The following BFAR variants were observed in gnomAD, a reference collection of about 807,000 sequenced individuals.
BFAR encodes bifunctional apoptosis regulator.
In BFAR, 52 loss-of-function variants were observed where a neutral mutation model predicts 54.4. That is an observed-to-expected ratio of 0.96 (90% CI 0.77 to 1.21). BFAR has a LOEUF of 1.21. Among genes scored for constraint, BFAR ranks in the 50% most tolerant of loss-of-function variants. BFAR has a pLI of 0.00. For synonymous variants in BFAR, 215 were observed against 204.3 expected, an observed-to-expected ratio of 1.05 and a Z score of -0.45; for missense variants, 571 against 534.0, an observed-to-expected ratio of 1.07 and a Z score of -0.68.
chr16:14,664,524 C>T (rs115011705), intron 6 of BFAR, among the ~76,000 whole-genome samples: 1 of 151,486 alleles, frequency 6.6e-6, no homozygotes, highest in Non-Finnish European at 1.5e-5. Flanking sequence ...TTTTGAGACA[C>T]AGTCTCCCTC....
intron 4 of BFAR, 86 bp downstream of exon 4, chr16:14,650,059 A>C: frequency 1.4e-5 from 19 of 1,377,518 alleles, no homozygotes; most frequent in Non-Finnish European, 1.7e-5. Context: ...GCGGTGGCTC[A>C]CACCTGGATC....
chr16:14,666,551 G>C (rs575129503), intron 7 of BFAR, among the ~76,000 whole-genome samples: 1 of 152,018 alleles, frequency 6.6e-6, no homozygotes, highest in Admixed American at 6.6e-5. Context: ...CACCCTGGGC[G>C]ACAAAACGAG....
At chr16:14,640,101 A>G (rs973798197) in intron 1 of BFAR, among the ~76,000 whole-genome samples, 1 of 151,462 alleles carries the variant, frequency 6.6e-6, no homozygotes. Context: ...ACAGTGAGCC[A>G]TGATCTCACC....
intron 1 of BFAR, among the ~76,000 whole-genome samples, chr16:14,641,637 A>T (rs1323569032): frequency 1.3e-5 from 2 of 151,940 alleles, no homozygotes; most frequent in Admixed American, 1.3e-4. Context: ...TGACGCAGGC[A>T]GATTGCCCGA....
chr16:14,644,866 C>T (rs1959744644), intron 2 of BFAR, among the ~76,000 whole-genome samples: 1 of 152,110 alleles, frequency 6.6e-6, no homozygotes, highest in South Asian at 2.1e-4. Context: ...TGGAGCCCAC[C>T]TCCTTGGGGG....
rs71373038 is a variant in BFAR at position 14,655,223 on chromosome 16, ATT to A, written c.783+30_783+31del. The A allele has an allele frequency of 9.1e-3, 10,497 of 1,149,314 alleles. No homozygotes were observed. The highest frequency in any genetic ancestry group is 0.016 in the South Asian group (561 of 35,290). 71.2% of individuals were successfully genotyped at this position (1,149,314 alleles called of 1,614,324 possible). A position where few individuals can be genotyped will look rare whatever the true frequency, so the allele number is the denominator to read the frequency against. The stretch of plus-strand genomic sequence containing the variant: ...CTGGGAATATAAGGTGAACACTTTA[ATT>A]TTTTTTTTTTTTTTTTACTTTTTAT... On this transcript the variant is annotated intron_variant, in intron 5 of 7. Transcript: ENST00000261658.
At chr16:14,656,933 T>C (rs572494934) in intron 5 of BFAR, among the ~76,000 whole-genome samples, 1 of 151,918 alleles carries the variant, frequency 6.6e-6, no homozygotes, top group Admixed American at 6.6e-5. Flanking sequence ...TGAAACCCCA[T>C]CTCTACTAAA....
At chr16:14,659,012 A>C (rs1960207151) in intron 5 of BFAR, among the ~76,000 whole-genome samples, 1 of 151,260 alleles carries the variant, frequency 6.6e-6, no homozygotes, top group Non-Finnish European at 1.5e-5. Flanking sequence ...GGTTCGAGCG[A>C]TTCCCCTGCC....
chr16:14,650,512 C>G lies in BFAR; in HGVS notation c.638+539C>G, dbSNP rs369775173. ...TCCTCATTTCTCCCCAACCCCCAGC[C>G]CCTGGCAAACACCATTCTACTTTCT... On this transcript the variant is annotated intron_variant, in intron 4 of 7. Coordinates refer to ENST00000261658, the MANE Select transcript of BFAR (RefSeq NM_016561.3). 6.6e-5 allele frequency: 10 copies of G among 152,328 alleles called. No individual in the cohort carries two copies. The East Asian group carries it at 1.5e-3, about 23-fold the overall frequency. 9.4% of individuals were successfully genotyped at this position (152,328 alleles called of 1,614,324 possible).
At chr16:14,634,447 A>G (rs1026341870) in intron 1 of BFAR, among the ~76,000 whole-genome samples, 3 of 152,182 alleles carry the variant, frequency 2.0e-5, no homozygotes, top group Non-Finnish European at 2.9e-5. Context: ...CCATCACTCA[A>G]TAAATGCTGC....
rs964313164 is a variant in BFAR at position 14,635,974 on chromosome 16, T to C, written c.-74+2956T>C. 1.9e-4 allele frequency among the ~76,000 whole-genome samples: 29 copies of C among 152,300 alleles called. 2 individuals are homozygous for C. In the South Asian group the frequency reaches 3.9e-3, roughly 21 times the overall value. On this transcript the variant is annotated intron_variant, in intron 1 of 7. Coordinates refer to ENST00000261658, the MANE Select transcript of BFAR (RefSeq NM_016561.3). ...TGGGAGAGCCGGCTTTTGTCTGTTC[T>C]GTTTGCGGTTCCTGAACCTTGCCTT...
intron 6 of BFAR, among the ~76,000 whole-genome samples, chr16:14,664,509 A>G (rs1383895874): frequency 6.6e-6 from 1 of 151,378 alleles, no homozygotes; most frequent in Non-Finnish European, 1.5e-5. Context: ...GATCATCACA[A>G]TTTTTTTTGA....
intron 7 of BFAR, among the ~76,000 whole-genome samples, chr16:14,666,791 T>C (rs1960453513): frequency 6.6e-6 from 1 of 152,188 alleles, no homozygotes; most frequent in South Asian, 2.1e-4. Context: ...CTCACTTATT[T>C]ATATACAATA....
chr16:14,653,273 T>C (rs1960026068), intron 4 of BFAR, among the ~76,000 whole-genome samples: 1 of 152,184 alleles, frequency 6.6e-6, no homozygotes, highest in Non-Finnish European at 1.5e-5. Context: ...GTGATGTTTT[T>C]AAGGATGAAT....
At chr16:14,659,727 T>A (rs762629739) in intron 5 of BFAR, among the ~76,000 whole-genome samples, 1 of 151,412 alleles carries the variant, frequency 6.6e-6, no homozygotes, top group Non-Finnish European at 1.5e-5. Flanking sequence ...ATTTTTTGTA[T>A]TTTTAGTAGA....
intron 4 of BFAR, among the ~76,000 whole-genome samples, chr16:14,654,119 C>T (rs558405982): frequency 1.5e-4 from 22 of 147,448 alleles, no homozygotes; most frequent in Admixed American, 2.8e-4. Context: ...TCACGCCATT[C>T]TTCTGCCTCA....
chr16:14,665,851 T>C (rs1315457632), intron 7 of BFAR, among the ~76,000 whole-genome samples: 1 of 152,142 alleles, frequency 6.6e-6, no homozygotes, highest in African/African-American at 2.4e-5. Context: ...TGCAGTAAGG[T>C]AGAGCATAAA....
intron 1 of BFAR, among the ~76,000 whole-genome samples, chr16:14,641,045 T>C (rs1346721414): frequency 6.6e-6 from 1 of 152,238 alleles, no homozygotes; most frequent in East Asian, 1.9e-4. Flanking sequence ...TTTAAACTTG[T>C]TTGTTTGCTG....
chr16:14,647,807 C>T (rs562193712), intron 2 of BFAR, among the ~76,000 whole-genome samples: 23 of 152,278 alleles, frequency 1.5e-4, no homozygotes, highest in African/African-American at 5.1e-4. Flanking sequence ...TCCACCTTGA[C>T]ACATTTAGTG....
Sources: allele counts gnomAD v4.1 joint callset (sites outside exome capture counted in the v4.1 genomes callset), GRCh38; gene constraint gnomAD v4.1.1; transcripts MANE v1.5; gene names NCBI Gene and HGNC (gene_info 2026-07-23, HGNC 2026-07-21).